HDHD2: variants seen among roughly 807,000 people sequenced by gnomAD.
HDHD2 encodes the protein haloacid dehalogenase like hydrolase domain containing 2, also known as haloacid dehalogenase-like hydrolase domain-containing protein 2.
A neutral mutation model predicts 24.8 loss-of-function variants in HDHD2; 26 were observed. The ratio of observed to expected loss-of-function variants is 1.05; its 90% CI spans 0.77 to 1.45. The LOEUF (loss-of-function observed/expected upper bound fraction) is 1.45. Ranked by LOEUF, HDHD2 falls within the 40% of genes most tolerant of loss-of-function variation. The pLI is 0.00. For missense variants in HDHD2, 299 were observed against 313.4 expected, an observed-to-expected ratio of 0.95 and a Z score of 0.35; for synonymous variants, 128 against 114.9, an observed-to-expected ratio of 1.11 and a Z score of -0.73.
chr18:47,120,293 G>A (rs60854219), intron 4 of HDHD2, among the ~76,000 whole-genome samples: 10,348 of 152,264 alleles, frequency 0.068, 434 homozygotes, highest in East Asian at 0.13. Flanking sequence ...TAGATCTCTG[G>A]ATAACATGCT....
rs2684846 is a variant in HDHD2, at chr18:47,109,889, T to C, written c.677-1104A>G. The C allele has an allele frequency of 3.4e-3, 2,453 of 722,618 alleles. 7 individuals are homozygous for C. Among genetic ancestry groups the C allele is most frequent in the Non-Finnish European group, 3.8e-3 (2,236 of 589,662 alleles). The allele number at this position is 722,618 out of a possible 1,614,324, so 44.8% of individuals were successfully genotyped here. A position where few individuals can be genotyped will look rare whatever the true frequency, so the allele number is the denominator to read the frequency against. On this transcript the variant is annotated intron_variant, in intron 6 of 6. Coordinates refer to ENST00000300605, the MANE Select transcript of HDHD2 (RefSeq NM_032124.5). ...GGGCTATATCTGTTACATGTCCCAA[T>C]GTATTCCAAGTACCTAACATAGTGA...
chr18:47,148,491 C>G (rs903526651), intron 1 of HDHD2, among the ~76,000 whole-genome samples: 5 of 152,190 alleles, frequency 3.3e-5, no homozygotes, highest in African/African-American at 1.2e-4. Context: ...AAACCACTGA[C>G]AGTGGTACAT....
intron 3 of HDHD2, among the ~76,000 whole-genome samples, chr18:47,132,969 C>CA (rs1386513471): frequency 6.6e-6 from 1 of 152,112 alleles, no homozygotes; most frequent in African/African-American, 2.4e-5. Context: ...TTATAATACT[C>CA]AAAGTAATTT....
At chr18:47,138,052 G>A (rs1599956321) in intron 1 of HDHD2, among the ~76,000 whole-genome samples, 1 of 151,626 alleles carries the variant, frequency 6.6e-6, no homozygotes, top group South Asian at 2.1e-4. Flanking sequence ...TGTAATCCCA[G>A]CTACTAGGGA....
chr18:47,122,415 A>C (rs1383866551), intron 4 of HDHD2, among the ~76,000 whole-genome samples: 1 of 152,062 alleles, frequency 6.6e-6, no homozygotes, highest in East Asian at 1.9e-4. Context: ...CCTGGCCTCT[A>C]CCCATCATGT....
chr18:47,114,615 T>C (rs2063542378), intron 5 of HDHD2, among the ~76,000 whole-genome samples: 1 of 152,076 alleles, frequency 6.6e-6, no homozygotes, highest in Non-Finnish European at 1.5e-5. Flanking sequence ...GGGCCTCCAA[T>C]CATCCCAGGC....
At chr18:47,145,283 A>C (rs2063858097) in intron 1 of HDHD2, among the ~76,000 whole-genome samples, 2 of 152,270 alleles carry the variant, frequency 1.3e-5, no homozygotes, top group African/African-American at 4.8e-5. Context: ...TGTTTACACC[A>C]GTACAAATGG....
At chr18:47,144,166 A>AT (rs2063845271) in intron 1 of HDHD2, among the ~76,000 whole-genome samples, 1 of 152,180 alleles carries the variant, frequency 6.6e-6, no homozygotes, top group South Asian at 2.1e-4. Context: ...GAAACTCAGG[A>AT]GATGAGCAGA....
intron 6 of HDHD2, among the ~76,000 whole-genome samples, chr18:47,112,204 C>T (rs919997674): frequency 1.3e-5 from 2 of 152,104 alleles, no homozygotes; most frequent in Non-Finnish European, 1.5e-5. Context: ...TTCTTTATCT[C>T]GAAAGGACTT....
chr18:47,133,905 A>G (rs1355457952), intron 3 of HDHD2, among the ~76,000 whole-genome samples: 1 of 151,964 alleles, frequency 6.6e-6, no homozygotes, highest in Non-Finnish European at 1.5e-5. Flanking sequence ...GATTGCAAAA[A>G]TTTTCTCCCA....
chr18:47,139,713 G>A (rs750078064), intron 1 of HDHD2, among the ~76,000 whole-genome samples: 6 of 152,122 alleles, frequency 3.9e-5, no homozygotes, highest in Non-Finnish European at 8.8e-5. Context: ...CTATCTCCAG[G>A]TAGACAGTGT....
At chr18:47,114,580 G>A (rs2144285143) in intron 5 of HDHD2, among the ~76,000 whole-genome samples, 1 of 152,292 alleles carries the variant, frequency 6.6e-6, no homozygotes, top group East Asian at 1.9e-4. Context: ...CTGACAAGGT[G>A]CTCACGGCCA....
chr18:47,145,834 T>C (rs1341221700), intron 1 of HDHD2, among the ~76,000 whole-genome samples: 1 of 151,886 alleles, frequency 6.6e-6, no homozygotes, highest in African/African-American at 2.4e-5. Context: ...TTCTAACACA[T>C]GTGGGAAAAG....
chr18:47,140,187 C>T (rs573087738), intron 1 of HDHD2, among the ~76,000 whole-genome samples: 50 of 152,328 alleles, frequency 3.3e-4, no homozygotes, highest in Non-Finnish European at 4.0e-4. Context: ...GATTCAGCCA[C>T]GTTGGTGCCT....
chr18:47,113,104 C>T (rs1243697385), intron 5 of HDHD2, 64 bp from the exon 6 acceptor site: 15 of 1,349,768 alleles, frequency 1.1e-5, no homozygotes, highest in Non-Finnish European at 1.5e-5. Flanking sequence ...CAAACATTAC[C>T]AACTGATTTA....
At chr18:47,140,880 T>A (rs1310526246) in intron 1 of HDHD2, among the ~76,000 whole-genome samples, 1 of 152,194 alleles carries the variant, frequency 6.6e-6, no homozygotes. Context: ...AGTTGGTAGT[T>A]ATTATCTACA....
At chr18:47,146,914 G>C (rs1044609336) in intron 1 of HDHD2, among the ~76,000 whole-genome samples, 1 of 152,070 alleles carries the variant, frequency 6.6e-6, no homozygotes, top group African/African-American at 2.4e-5. Context: ...GAGCCTCTAA[G>C]GTCTGGCAAT....
At position 47,134,667 on chromosome 18, in the gene HDHD2, T is replaced by G; in HGVS notation, c.139A>C (p.Asn47His). 1 of 1,614,182 alleles carries G rather than the reference T, an allele frequency of 6.2e-7. No homozygotes were observed. The highest frequency in any genetic ancestry group is 1.1e-5 in the South Asian group (1 of 91,086). The change falls in exon 3 of 7, where the codon AAT becomes CAT. Residue 47 changes from asparagine to histidine, a missense_variant. Asn to His is a moderately conservative substitution (Grantham distance 68). Transcript: ENST00000300605. Reference sequence around the variant, plus strand: ...TCTTGCTTGCTCTCTTTGGTTGTATTGGTCACAAACCTAATGATTACAGAA... The same window carrying G: ...TCTTGCTTGCTCTCTTTGGTTGTATGGGTCACAAACCTAATGATTACAGAA... Reference protein sequence around the residue: ...GASVIIRFVTNTTKESKQDLL... With the variant: ...GASVIIRFVTHTTKESKQDLL...
intron 4 of HDHD2, among the ~76,000 whole-genome samples, chr18:47,119,839 C>T (rs903070530): frequency 3.3e-5 from 5 of 152,146 alleles, no homozygotes; most frequent in African/African-American, 9.7e-5. Context: ...AAAGTCAAAA[C>T]GACTCCCTGA....
Sources: gnomAD v4.1 joint callset for allele counts (sites outside exome capture counted in the v4.1 genomes callset) on GRCh38, gnomAD v4.1.1 for gene constraint, MANE v1.5 for transcripts, NCBI Gene and HGNC (gene_info 2026-07-23, HGNC 2026-07-21) for gene names.